Variants in STK32B observed in about 807,000 individuals in gnomAD.
STK32B encodes the protein serine/threonine-protein kinase 32B.
In STK32B, 43 loss-of-function variants were observed where a neutral mutation model predicts 52.6. The observed-to-expected ratio is 0.82, with a 90% CI of 0.64 to 1.05. STK32B has a LOEUF of 1.05. Ranked by LOEUF, STK32B falls within the 50% of genes least tolerant of loss-of-function variation. The pLI is 0.00. For missense variants in STK32B, 621 were observed against 534.6 expected (o/e 1.16, Z -1.59); for synonymous variants, 238 against 204.3 (o/e 1.17, Z -1.41).
the STK32B span, among the ~76,000 whole-genome samples, chr4:5,021,195 T>A: frequency 6.6e-6 from 1 of 152,216 alleles, no homozygotes; most frequent in Non-Finnish European, 1.5e-5. Flanking sequence ...CAGGATAGCA[T>A]CACGCTGGGC....
chr4:5,031,675 T>C, the STK32B span, among the ~76,000 whole-genome samples: 1,929 of 152,258 alleles, frequency 0.013, 40 homozygotes, highest in African/African-American at 0.044. Flanking sequence ...ATCATGAGAA[T>C]GCCAAGTCCT....
intron 3 of STK32B, among the ~76,000 whole-genome samples, chr4:5,218,468 T>G (rs1723317230): frequency 6.6e-6 from 1 of 152,188 alleles, no homozygotes; most frequent in South Asian, 2.1e-4. Flanking sequence ...AATGGATTGG[T>G]TCTTGAGGGT....
chr4:5,038,004 C>T, the STK32B span, among the ~76,000 whole-genome samples: 2 of 152,180 alleles, frequency 1.3e-5, no homozygotes, highest in African/African-American at 2.4e-5. Flanking sequence ...CCCGTCCATC[C>T]TTGCTTTGCC....
Position 5,207,706 on chromosome 4 carries a change from A to AT in STK32B, c.260+39264dup, listed in dbSNP as rs200741062. Among the ~76,000 whole-genome samples, 34 of 151,246 alleles carry AT rather than the reference A, an allele frequency of 2.2e-4. No individual in the cohort carries two copies. In the East Asian group the frequency reaches 4.9e-3, roughly 22 times the overall value. On this transcript the variant is annotated intron_variant, in intron 3 of 11. Transcript: ENST00000282908. ...TCAGACACTTTCTTAATGCTCCAGC[A>AT]TTTTTTTTCTTAAGAAAGTGTCTGA...
At position 5,051,884 on chromosome 4, in the gene STK32B, C is replaced by A; in HGVS notation, c.21C>A (p.His7Gln). 2 of 1,600,660 alleles carry A rather than the reference C, an allele frequency of 1.2e-6. No homozygotes were observed. Among genetic ancestry groups the A allele is most frequent in the Non-Finnish European group, 1.7e-6 (2 of 1,174,056 alleles). ...GGAATATGGGCGGGAACCACTCCCA[C>A]AAGCCCCCCGTGTTTGACGAGAATG... is the stretch of plus-strand genomic sequence containing the variant. MGGNHS[H>Q]KPPVFDENEE... is the part of the protein sequence containing the mutation. Residue 7 changes from histidine (H) to glutamine (Q), a missense_variant, in exon 1 of 12, where the codon CAC becomes CAA. Transcript: ENST00000282908.
At chr4:5,101,680 G>C (rs74819981) in intron 1 of STK32B, among the ~76,000 whole-genome samples, 2 of 151,984 alleles carry the variant, frequency 1.3e-5, no homozygotes, top group African/African-American at 4.8e-5. Context: ...TTAACTCAAA[G>C]CATTTCTTTA....
At chr4:5,106,204 A>G (rs1376781960) in intron 1 of STK32B, among the ~76,000 whole-genome samples, 1 of 152,128 alleles carries the variant, frequency 6.6e-6, no homozygotes, top group Non-Finnish European at 1.5e-5. Flanking sequence ...TGGGAGGCTG[A>G]TGCAGGAGAA....
chr4:5,062,326 G>A (rs1742245924), intron 1 of STK32B, among the ~76,000 whole-genome samples: 1 of 152,128 alleles, frequency 6.6e-6, no homozygotes, highest in Admixed American at 6.5e-5. Context: ...TGTTTCTGAA[G>A]GCATCAGGTA....
the STK32B span, among the ~76,000 whole-genome samples, chr4:5,029,369 A>G: frequency 1.3e-5 from 2 of 152,240 alleles, no homozygotes; most frequent in Non-Finnish European, 2.9e-5. Context: ...TAAGTGTTGC[A>G]GGCTGGGAGC....
At position 5,062,743 on chromosome 4, in the gene STK32B, C is replaced by T. The variant is rs141663686; in HGVS notation, c.52+10828C>T. ...CAGGATGGTCTCGATCTCCTGACCT[C>T]GTGATCCGCCCGCCTCAGCCTCCCA... is the stretch of plus-strand genomic sequence containing the variant. On this transcript the variant is annotated intron_variant, in intron 1 of 11. Transcript: ENST00000282908. 1.7e-3 allele frequency among the ~76,000 whole-genome samples: 259 copies of T among 152,186 alleles called. 6 individuals are homozygous for T. The East Asian group carries it at 0.028, about 16-fold the overall frequency.
At chr4:5,103,294 G>A (rs1479391881) in intron 1 of STK32B, among the ~76,000 whole-genome samples, 8 of 152,120 alleles carry the variant, frequency 5.3e-5, no homozygotes, top group Admixed American at 3.3e-4. Flanking sequence ...TGCCACATCC[G>A]AATCCTTCTC....
intron 3 of STK32B, among the ~76,000 whole-genome samples, chr4:5,170,428 T>G (rs1184300409): frequency 6.6e-6 from 1 of 152,196 alleles, no homozygotes; most frequent in African/African-American, 2.4e-5. Flanking sequence ...CATTTAACAT[T>G]AGGTATATCT....
At chr4:5,174,441 G>C (rs188044114) in intron 3 of STK32B, among the ~76,000 whole-genome samples, 1 of 151,556 alleles carries the variant, frequency 6.6e-6, no homozygotes, top group Non-Finnish European at 1.5e-5. Context: ...GGCTGATACC[G>C]GTTGTTCTTT....
At chr4:5,191,354 C>T (rs556030686) in intron 3 of STK32B, among the ~76,000 whole-genome samples, 1 of 152,034 alleles carries the variant, frequency 6.6e-6, no homozygotes, top group South Asian at 2.1e-4. Context: ...GGGTTCACAC[C>T]ATTCTCCTGC....
intron 6 of STK32B, among the ~76,000 whole-genome samples, chr4:5,434,517 G>GA (rs1345385679): frequency 6.6e-6 from 1 of 151,428 alleles, no homozygotes; most frequent in East Asian, 1.9e-4. Context: ...ATAATTGCTG[G>GA]AAAATGTATG....
chr4:5,025,646 T>C, the STK32B span, among the ~76,000 whole-genome samples: 1 of 152,196 alleles, frequency 6.6e-6, no homozygotes, highest in Non-Finnish European at 1.5e-5. Context: ...ATGTATTGGC[T>C]TTCTGTCCTT....
rs903842011 is a variant in STK32B at position 5,243,835 on chromosome 4, A to C, written c.260+75385A>C. Among the ~76,000 whole-genome samples the C allele has an allele frequency of 4.6e-5, 7 of 152,144 alleles. No homozygotes were observed. The East Asian group carries it at 1.3e-3, about 29-fold the overall frequency. ...GGCCTTTTCTGCATCTATTGAGATA[A>C]TCATGTGGTTTTTGTCTTTGGTTCT... On this transcript the variant is annotated intron_variant, in intron 3 of 11. Coordinates refer to ENST00000282908, the MANE Select transcript of STK32B (RefSeq NM_018401.3).
At chr4:5,277,370 A>AT (rs75165869) in intron 3 of STK32B, among the ~76,000 whole-genome samples, 77 of 148,666 alleles carry the variant, frequency 5.2e-4, no homozygotes, top group Admixed American at 1.8e-3. Context: ...TGTCTGGAGT[A>AT]TTTTTTTTTT....
chr4:5,305,932 T>G (rs1729898830), intron 3 of STK32B, among the ~76,000 whole-genome samples: 1 of 152,190 alleles, frequency 6.6e-6, no homozygotes, highest in South Asian at 2.1e-4. Flanking sequence ...AAATAATTTT[T>G]TAAATTCCCA....
Sources: gnomAD v4.1 joint callset for allele counts (sites outside exome capture counted in the v4.1 genomes callset) on GRCh38, gnomAD v4.1.1 for gene constraint, MANE v1.5 for transcripts, NCBI Gene and HGNC (gene_info 2026-07-23, HGNC 2026-07-21) for gene names.